The following DAB1 variants were observed in gnomAD, a reference collection of about 807,000 sequenced individuals.
DAB1 encodes the protein DAB adaptor protein 1.
In DAB1, 15 loss-of-function variants were observed where a neutral mutation model predicts 64.6. The ratio of observed to expected loss-of-function variants is 0.23; its 90% CI spans 0.16 to 0.36. DAB1 has a LOEUF of 0.36. Ranked by LOEUF, DAB1 falls within the 10% of genes least tolerant of loss-of-function variation. The probability of loss-of-function intolerance (pLI) is 1.00; values close to 1 mark genes in which losing one functional copy is unlikely to be tolerated. For synonymous variants in DAB1, 235 were observed against 251.9 expected, an observed-to-expected ratio of 0.93 and a Z score of 0.64; for missense variants, 596 against 706.7, an observed-to-expected ratio of 0.84 and a Z score of 1.78.
At chr1:58,244,064 C>A (rs1210539244) in intron 4 of DAB1, among the ~76,000 whole-genome samples, 1 of 152,164 alleles carries the variant, frequency 6.6e-6, no homozygotes, top group Admixed American at 6.5e-5. Flanking sequence ...AGACCAGACA[C>A]ACAATGTCCC....
chr1:58,271,907 TTCTC>T (rs1460149551), intron 4 of DAB1, among the ~76,000 whole-genome samples: 4 of 37,002 alleles, frequency 1.1e-4, no homozygotes, highest in South Asian at 1.7e-3. Context: ...TATTTGATTC[TTCTC>T]TCTTTTTTTC....
intron 1 of DAB1, among the ~76,000 whole-genome samples, chr1:57,311,174 C>T (rs1674669597): frequency 6.6e-6 from 1 of 152,130 alleles, no homozygotes; most frequent in African/African-American, 2.4e-5. Context: ...AGAAGGGCAA[C>T]ACGGCCTTAT....
At chr1:58,425,888 G>A (rs974600161) in intron 3 of DAB1, among the ~76,000 whole-genome samples, 4 of 151,938 alleles carry the variant, frequency 2.6e-5, no homozygotes, top group Non-Finnish European at 4.4e-5. Flanking sequence ...AGTGGGAGGC[G>A]AGAAATAAGA....
intron 4 of DAB1, among the ~76,000 whole-genome samples, chr1:58,258,156 G>A (rs956015738): frequency 3.3e-5 from 5 of 151,724 alleles, no homozygotes; most frequent in Non-Finnish European, 5.9e-5. Flanking sequence ...GGGTGTCTTC[G>A]CACACCAGGA....
intron 5 of DAB1, among the ~76,000 whole-genome samples, chr1:58,102,048 C>A (rs1260367870): frequency 6.6e-6 from 1 of 152,264 alleles, no homozygotes; most frequent in Non-Finnish European, 1.5e-5. Flanking sequence ...TTGACACATG[C>A]TCTTCTGAGT....
At chr1:58,004,535 A>G (rs2100412821) in intron 5 of DAB1, among the ~76,000 whole-genome samples, 1 of 152,224 alleles carries the variant, frequency 6.6e-6, no homozygotes, top group South Asian at 2.1e-4. Context: ...ATCTTGGAGA[A>G]AGTGTAATGG....
intron 7 of DAB1, among the ~76,000 whole-genome samples, chr1:57,541,437 C>T (rs922719003): frequency 3.3e-5 from 5 of 152,274 alleles, no homozygotes; most frequent in Admixed American, 1.3e-4. Flanking sequence ...CCAATAAAAA[C>T]TTTAAAAATT....
intron 5 of DAB1, among the ~76,000 whole-genome samples, chr1:58,054,536 C>T (rs770631385): frequency 2.0e-4 from 31 of 152,320 alleles, no homozygotes; most frequent in Admixed American, 9.2e-4. Flanking sequence ...CTGCAATGAA[C>T]GAAGGGCTGT....
intron 5 of DAB1, among the ~76,000 whole-genome samples, chr1:57,901,492 T>C (rs1239359584): frequency 6.6e-6 from 1 of 152,064 alleles, no homozygotes; most frequent in Non-Finnish European, 1.5e-5. Flanking sequence ...TTTCATCTCA[T>C]CTCTACTTCT....
intron 1 of DAB1, among the ~76,000 whole-genome samples, chr1:57,308,535 A>G (rs944095045): frequency 6.6e-6 from 1 of 152,240 alleles, no homozygotes; most frequent in African/African-American, 2.4e-5. Context: ...TCAAAAAGGA[A>G]ACAAAAACCC....
intron 6 of DAB1, among the ~76,000 whole-genome samples, chr1:57,792,354 C>G (rs1281563289): frequency 6.6e-6 from 1 of 152,224 alleles, no homozygotes; most frequent in East Asian, 1.9e-4. Flanking sequence ...TGCCAGACAG[C>G]AGGCTGACAT....
intron 1 of DAB1, among the ~76,000 whole-genome samples, chr1:57,852,270 C>A (rs1020431038): frequency 1.3e-4 from 20 of 152,188 alleles, no homozygotes; most frequent in African/African-American, 4.8e-4. Context: ...GACAAACAGG[C>A]CTTGCTTGGT....
At chr1:57,822,558 G>C (rs1028385222), downstream of DAB1, among the ~76,000 whole-genome samples, 1 of 152,208 alleles carries the variant, frequency 6.6e-6, no homozygotes, top group African/African-American at 2.4e-5. Context: ...AAGTGGGACT[G>C]ACCTGGGCAA....
rs117891412 is a variant in DAB1 at position 57,477,508 on chromosome 1, G to A, written n.625+172084C>T. 3.5e-4 allele frequency among the ~76,000 whole-genome samples: 53 copies of A among 152,276 alleles called. No individual in the cohort carries two copies. In the East Asian group the frequency reaches 7.7e-3, roughly 22 times the overall value. The stretch of plus-strand genomic sequence containing the variant: ...ACTTATTTCAGGACACTAGTTTTAC[G>A]TAGCTGAAATGCAGTCAGATATCAC... On this transcript the variant is annotated intron_variant and non_coding_transcript_variant, in intron 7 of 20. Transcript: ENST00000485760.
At chr1:58,499,930 T>G (rs1009605515) in intron 3 of DAB1, among the ~76,000 whole-genome samples, 1 of 151,970 alleles carries the variant, frequency 6.6e-6, no homozygotes, top group African/African-American at 2.4e-5. Context: ...CATCAACTAC[T>G]TATTCACAAA....
chr1:57,783,183 C>G (rs944976785), intron 6 of DAB1, among the ~76,000 whole-genome samples: 3 of 144,870 alleles, frequency 2.1e-5, no homozygotes, highest in African/African-American at 7.7e-5. Context: ...GATCTCTGCT[C>G]ACTGCAGCAT....
intron 2 of DAB1, among the ~76,000 whole-genome samples, chr1:57,207,104 G>T (rs1373235177): frequency 6.6e-6 from 1 of 151,040 alleles, no homozygotes; most frequent in Non-Finnish European, 1.5e-5. Context: ...GAGTAGCTGG[G>T]ATTATGGGCA....
At chr1:57,756,727 T>TA (rs2101811347) in intron 6 of DAB1, among the ~76,000 whole-genome samples, 1 of 151,146 alleles carries the variant, frequency 6.6e-6, no homozygotes, top group Admixed American at 6.6e-5. Flanking sequence ...TAGGAACAGA[T>TA]AAAAAAGTTG....
At chr1:57,018,226 C>T (rs941127711) in intron 11 of DAB1, among the ~76,000 whole-genome samples, 1 of 152,184 alleles carries the variant, frequency 6.6e-6, no homozygotes, top group Non-Finnish European at 1.5e-5. Context: ...AAGGTGTTCA[C>T]TATTTTGGAA....
Sources: allele counts gnomAD v4.1 joint callset (sites outside exome capture counted in the v4.1 genomes callset), GRCh38; gene constraint gnomAD v4.1.1; transcripts MANE v1.5; gene names NCBI Gene and HGNC (gene_info 2026-07-23, HGNC 2026-07-21).